The following NAV3 variants were observed in gnomAD, a reference collection of about 807,000 sequenced individuals.
NAV3 encodes neuron navigator 3, also known as pore membrane and/or filament interacting like protein 1.
In NAV3, 87 loss-of-function variants were observed where a neutral mutation model predicts 244.7. That is an observed-to-expected ratio of 0.36 (90% CI 0.30 to 0.42). NAV3 has a LOEUF of 0.42. NAV3 is among the 20% of genes least tolerant of loss of function. The pLI is 1.00. For synonymous variants in NAV3, 1,126 were observed against 1,042.2 expected (o/e 1.08, Z -1.55); for missense variants, 2,663 against 2,893.3 (o/e 0.92, Z 1.83).
In NAV3 at chr12:77,867,323, T is replaced by C. The variant is rs1032565006; in HGVS notation, c.243+35619T>C. ...CGTGCCTTTCGCCTTCTGCCATGAT[T>C]GTGAGGCCTCCCCAGCCACGTGGAA... On this transcript the variant is annotated intron_variant, in intron 1 of 39. Transcript: ENST00000397909. 2.6e-5 allele frequency among the ~76,000 whole-genome samples: 4 copies of C among 152,320 alleles called. 1 individual carries two copies. The highest frequency in any genetic ancestry group is 1.3e-4 in the Admixed American group (2 of 15,306).
chr12:78,056,954 T>C (rs10506769), intron 11 of NAV3, among the ~76,000 whole-genome samples: 21,500 of 152,150 alleles, frequency 0.14, 1,597 homozygotes, highest in Middle Eastern at 0.2. Flanking sequence ...GTACTCTAGG[T>C]GTAACTCAGA....
At chr12:77,777,007 G>C (rs1378338967) in intron 2 of NAV3, among the ~76,000 whole-genome samples, 1 of 152,118 alleles carries the variant, frequency 6.6e-6, no homozygotes, top group Non-Finnish European at 1.5e-5. Context: ...GTGAAATATT[G>C]TATAGTAACT....
chr12:77,687,649 G>A (rs540152134), intron 2 of NAV3, among the ~76,000 whole-genome samples: 84 of 152,200 alleles, frequency 5.5e-4, no homozygotes, highest in Middle Eastern at 3.4e-3. Flanking sequence ...GCATATGGAA[G>A]CGTTCTAGCC....
intron 2 of NAV3, among the ~76,000 whole-genome samples, chr12:77,752,435 C>A (rs1185379748): frequency 1.3e-5 from 2 of 152,188 alleles, no homozygotes; most frequent in Non-Finnish European, 1.5e-5. Context: ...ATAAAAGTAG[C>A]CGAGAGTCCA....
intron 9 of NAV3, among the ~76,000 whole-genome samples, chr12:78,045,292 G>T (rs114077064): frequency 6.6e-6 from 1 of 151,968 alleles, no homozygotes; most frequent in African/African-American, 2.4e-5. Flanking sequence ...CTTGATCGTG[G>T]TGGATAAGCT....
intron 12 of NAV3, among the ~76,000 whole-genome samples, chr12:78,070,289 C>T (rs1202307250): frequency 6.6e-6 from 1 of 151,930 alleles, no homozygotes; most frequent in Non-Finnish European, 1.5e-5. Context: ...AGGTTTGATA[C>T]TATAATCAAT....
At position 78,188,788 on chromosome 12, in the gene NAV3, TA is replaced by T; in HGVS notation, c.6055+13del. Reference sequence around the variant, plus strand: ...CTGTGAACCTCAAAGGTAAAAGCAATAATGAAAAGCAAGGCAGAAATATAAT... The same window carrying T: ...CTGTGAACCTCAAAGGTAAAAGCAATATGAAAAGCAAGGCAGAAATATAAT... On this transcript the variant is annotated intron_variant, in intron 33 of 39. Transcript: ENST00000397909. 1 of 1,606,884 alleles carries T rather than the reference TA, an allele frequency of 6.2e-7. No homozygotes were observed. The highest frequency in any genetic ancestry group is 8.5e-7 in the Non-Finnish European group (1 of 1,175,998).
chr12:78,166,163 C>T (rs441055), intron 23 of NAV3, among the ~76,000 whole-genome samples: 6,933 of 151,820 alleles, frequency 0.046, 193 homozygotes, highest in Non-Finnish European at 0.071. Context: ...CACATTTTCA[C>T]TTTTTTTCTG....
chr12:77,831,832 A>G, intron 1 of NAV3, 128 bp downstream of exon 1: 8 of 1,038,518 alleles, frequency 7.7e-6, no homozygotes, highest in Non-Finnish European at 9.4e-6. Flanking sequence ...AAGTAGTTAT[A>G]ATGGCTGAAA....
intron 1 of NAV3, among the ~76,000 whole-genome samples, chr12:77,839,106 C>T (rs927693265): frequency 2.6e-5 from 4 of 152,088 alleles, no homozygotes; most frequent in African/African-American, 9.7e-5. Context: ...TTATGAGCAG[C>T]GTAGGATATT....
chr12:77,848,206 TA>T (rs1876951740), intron 1 of NAV3, among the ~76,000 whole-genome samples: 1 of 152,242 alleles, frequency 6.6e-6, no homozygotes, highest in Non-Finnish European at 1.5e-5. Flanking sequence ...GAGTAAGACA[TA>T]AGTCAAGGTG....
intron 12 of NAV3, among the ~76,000 whole-genome samples, chr12:78,087,301 C>T (rs1953688552): frequency 1.3e-5 from 2 of 151,884 alleles, no homozygotes; most frequent in South Asian, 4.1e-4. Context: ...TAATCTAATT[C>T]TAGAAAACAA....
intron 1 of NAV3, among the ~76,000 whole-genome samples, chr12:77,879,575 T>C (rs980330046): frequency 4.8e-5 from 7 of 146,694 alleles, no homozygotes; most frequent in African/African-American, 1.8e-4. Flanking sequence ...CTCAGGAGGC[T>C]GAGGCAAGAG....
chr12:78,163,723 G>A (rs769137028), intron 23 of NAV3, among the ~76,000 whole-genome samples: 2 of 152,076 alleles, frequency 1.3e-5, no homozygotes, highest in Admixed American at 6.6e-5. Flanking sequence ...AATTGTTAAT[G>A]TGCTTGCTGG....
chr12:78,202,917 A>T (rs1048017502), intron 38 of NAV3, among the ~76,000 whole-genome samples: 1 of 152,136 alleles, frequency 6.6e-6, no homozygotes, highest in African/African-American at 2.4e-5. Context: ...CTTGGATTGG[A>T]GAAAGAAGTG....
At chr12:77,729,813 G>T (rs1345465083) in intron 2 of NAV3, among the ~76,000 whole-genome samples, 2 of 151,806 alleles carry the variant, frequency 1.3e-5, no homozygotes, top group Admixed American at 6.6e-5. Context: ...TAGACTTCAG[G>T]ATATCAGACA....
At chr12:78,046,612 C>T (rs1254931160) in intron 9 of NAV3, among the ~76,000 whole-genome samples, 1 of 152,140 alleles carries the variant, frequency 6.6e-6, no homozygotes, top group Non-Finnish European at 1.5e-5. Context: ...GTTAGGATTT[C>T]CATTCTTTTG....
chr12:77,606,943 G>T (rs1441833483), intron 2 of NAV3, among the ~76,000 whole-genome samples: 1 of 152,046 alleles, frequency 6.6e-6, no homozygotes, highest in Admixed American at 6.6e-5. Flanking sequence ...GATTGACTTT[G>T]CTGAGATTAT....
chr12:78,087,490 A>G, intron 12 of NAV3, among the ~76,000 whole-genome samples: 1 of 152,012 alleles, frequency 6.6e-6, no homozygotes, highest in East Asian at 1.9e-4. Context: ...ATCTACAGCA[A>G]GAAATGAGTA....
Sources: allele counts gnomAD v4.1 joint callset (sites outside exome capture counted in the v4.1 genomes callset), GRCh38; gene constraint gnomAD v4.1.1; transcripts MANE v1.5; gene names NCBI Gene and HGNC (gene_info 2026-07-23, HGNC 2026-07-21).